Variants in SLC14A2 observed in about 807,000 individuals in gnomAD.
The protein encoded by SLC14A2 is urea transporter 2.
SLC14A2 carries 91 observed loss-of-function variants against 104.6 expected under a neutral mutation model. The ratio of observed to expected loss-of-function variants is 0.87; its 90% CI spans 0.73 to 1.04. The LOEUF (loss-of-function observed/expected upper bound fraction) is 1.04, where lower values mean the gene tolerates loss of function less well. SLC14A2 is among the 50% of genes least tolerant of loss of function. The pLI is 0.00. For synonymous variants in SLC14A2, 476 were observed against 466.4 expected (o/e 1.02, Z -0.27); for missense variants, 1,189 against 1,156.0 (o/e 1.03, Z -0.41).
Position 45,673,822 on chromosome 18 carries a change from G to A in SLC14A2, c.2512+5G>A. On this transcript the variant is annotated splice_donor_5th_base_variant and intron_variant, in intron 18 of 19. Coordinates refer to ENST00000255226, the MANE Select transcript of SLC14A2 (RefSeq NM_007163.4). ...ACCTCCTCGCCATCGCCTGCGGTAG[G>A]TACTCCCCACAGAGGATTTGTTTCC... 7 of 1,613,340 alleles carry A rather than the reference G, an allele frequency of 4.3e-6. No individual in the cohort carries two copies. Among genetic ancestry groups the A allele is most frequent in the Non-Finnish European group, 5.9e-6 (7 of 1,179,356 alleles).
chr18:45,400,728 G>A (rs1185700519), intron 1 of SLC14A2, among the ~76,000 whole-genome samples: 1 of 152,058 alleles, frequency 6.6e-6, no homozygotes. Context: ...TACAGTTATT[G>A]TCATTCTGCT....
At chr18:45,423,086 A>G (rs1441889226) in intron 1 of SLC14A2, among the ~76,000 whole-genome samples, 7 of 152,206 alleles carry the variant, frequency 4.6e-5, no homozygotes, top group African/African-American at 1.7e-4. Flanking sequence ...TGGGAAAAAC[A>G]GTAATTGATG....
chr18:45,384,464 A>G (rs991760264), intron 1 of SLC14A2, among the ~76,000 whole-genome samples: 3 of 152,122 alleles, frequency 2.0e-5, no homozygotes, highest in African/African-American at 7.2e-5. Context: ...GAATAAGCCC[A>G]CCCACCTCAT....
At chr18:45,341,927 T>C (rs1211265448) in intron 1 of SLC14A2, among the ~76,000 whole-genome samples, 1 of 152,190 alleles carries the variant, frequency 6.6e-6, no homozygotes, top group Non-Finnish European at 1.5e-5. Context: ...GGCTGTGATG[T>C]GTCTTACAAA....
intron 1 of SLC14A2, among the ~76,000 whole-genome samples, chr18:45,359,367 G>T (rs567729022): frequency 1.3e-5 from 2 of 152,286 alleles, no homozygotes; most frequent in Admixed American, 1.3e-4. Context: ...AATGGTTCCT[G>T]CTCCAGCACC....
At chr18:45,507,695 G>A (rs57057186) in intron 2 of SLC14A2, among the ~76,000 whole-genome samples, 7 of 152,262 alleles carry the variant, frequency 4.6e-5, no homozygotes, top group Non-Finnish European at 7.3e-5. Context: ...TTCTGCTGCC[G>A]TTTGGGGAGC....
At chr18:45,585,394 GT>G (rs2044551673) in intron 2 of SLC14A2, among the ~76,000 whole-genome samples, 1 of 152,164 alleles carries the variant, frequency 6.6e-6, no homozygotes, top group South Asian at 2.1e-4. Flanking sequence ...ATTGTTGTCA[GT>G]TTTTTAACCT....
chr18:45,521,142 G>C (rs2043510937), intron 2 of SLC14A2, among the ~76,000 whole-genome samples: 2 of 152,190 alleles, frequency 1.3e-5, no homozygotes, highest in Non-Finnish European at 2.9e-5. Flanking sequence ...TATTTTTTAA[G>C]GGAATTTCTG....
At chr18:45,396,342 C>G (rs528356637) in intron 1 of SLC14A2, among the ~76,000 whole-genome samples, 1 of 152,242 alleles carries the variant, frequency 6.6e-6, no homozygotes, top group South Asian at 2.1e-4. Context: ...AGGGCAGAGT[C>G]CCATGGAACT....
intron 12 of SLC14A2, 24 bp downstream of exon 12, chr18:45,666,243 A>G (rs1442359250): frequency 1.3e-6 from 2 of 1,512,250 alleles, no homozygotes; most frequent in Non-Finnish European, 1.8e-6. Flanking sequence ...GTCCTGAATC[A>G]GGGACAGCGC....
rs41301143 is a variant in SLC14A2, at chr18:45,644,368, T to G, written c.1351+208T>G. 0.42 allele frequency: 201,043 copies of G among 481,220 alleles called. 44,235 individuals are homozygous for G. The highest frequency in any genetic ancestry group is 0.53 in the Middle Eastern group (1,010 of 1,892). The allele number at this position is 481,220 out of a possible 1,614,324, so 29.8% of individuals were successfully genotyped here. On this transcript the variant is annotated intron_variant, in intron 10 of 19. Coordinates refer to ENST00000255226, the MANE Select transcript of SLC14A2 (RefSeq NM_007163.4). Reference sequence around the variant, plus strand: ...CTCCATAACTATCTATTGTGCGACATTAAGGGATGTTGGTATTACAGTAAA... The same window carrying G: ...CTCCATAACTATCTATTGTGCGACAGTAAGGGATGTTGGTATTACAGTAAA...
intron 1 of SLC14A2, among the ~76,000 whole-genome samples, chr18:45,441,157 A>G (rs2086676697): frequency 6.6e-6 from 1 of 152,000 alleles, no homozygotes. Flanking sequence ...ACTGCATTCT[A>G]CTTATGCCAA....
intron 1 of SLC14A2, among the ~76,000 whole-genome samples, chr18:45,349,366 G>A (rs187066410): frequency 3.3e-5 from 5 of 152,246 alleles, no homozygotes; most frequent in Non-Finnish European, 7.4e-5. Flanking sequence ...GGGATGCTGG[G>A]GCCCATTGAT....
chr18:45,219,458 A>AC (rs2084041006), intron 1 of SLC14A2, among the ~76,000 whole-genome samples: 2 of 152,146 alleles, frequency 1.3e-5, no homozygotes, highest in Admixed American at 6.5e-5. Flanking sequence ...CTGATTATTA[A>AC]CCATGGGGTC....
rs536677049 is a variant in SLC14A2 at position 45,489,424 on chromosome 18, T to C, written c.-35+6102T>C. On this transcript the variant is annotated intron_variant, in intron 2 of 20. Transcript: ENST00000586448. ...TACTTGGGAGGCCGAGGCATGAGAA[T>C]TGCTTGAATCCAGGAGACAGACATT... Among the ~76,000 whole-genome samples the C allele has an allele frequency of 7.9e-5, 12 of 152,188 alleles. No homozygotes were observed. In the South Asian group the frequency reaches 2.1e-3, roughly 26 times the overall value.
intron 1 of SLC14A2, among the ~76,000 whole-genome samples, chr18:45,214,334 C>A (rs1440344618): frequency 3.3e-5 from 5 of 152,114 alleles, no homozygotes; most frequent in African/African-American, 4.8e-5. Flanking sequence ...AAGTGACGTG[C>A]ATTCTGTGTA....
chr18:45,312,904 A>G (rs745858714), intron 1 of SLC14A2, among the ~76,000 whole-genome samples: 5 of 152,214 alleles, frequency 3.3e-5, no homozygotes, highest in Non-Finnish European at 7.3e-5. Context: ...CTGCAGGTGC[A>G]GGGTTCTTGC....
At chr18:45,381,516 C>T (rs1045361182) in intron 1 of SLC14A2, among the ~76,000 whole-genome samples, 1 of 152,132 alleles carries the variant, frequency 6.6e-6, no homozygotes, top group African/African-American at 2.4e-5. Context: ...GCTTCTAGAT[C>T]CTGACCTCAG....
chr18:45,290,237 G>T (rs1159844565), intron 1 of SLC14A2, among the ~76,000 whole-genome samples: 1 of 152,148 alleles, frequency 6.6e-6, no homozygotes, highest in Non-Finnish European at 1.5e-5. Flanking sequence ...CCAATAGGTA[G>T]TTTGTCAACA....
Sources: gnomAD v4.1 joint callset for allele counts (sites outside exome capture counted in the v4.1 genomes callset) on GRCh38, gnomAD v4.1.1 for gene constraint, MANE v1.5 for transcripts, NCBI Gene and HGNC (gene_info 2026-07-23, HGNC 2026-07-21) for gene names.